WIPF3: variants seen among roughly 807,000 people sequenced by gnomAD.
The protein encoded by WIPF3 is WAS/WASL-interacting protein family member 3.
In WIPF3, 33 loss-of-function variants were observed where a neutral mutation model predicts 38.9. The observed-to-expected ratio is 0.85, with a 90% confidence interval of 0.64 to 1.14. The LOEUF (loss-of-function observed/expected upper bound fraction) is 1.14. Ranked by LOEUF, WIPF3 falls within the 50% of genes most tolerant of loss-of-function variation. WIPF3 has a pLI of 0.00. For synonymous variants in WIPF3, 324 were observed against 269.3 expected, an observed-to-expected ratio of 1.20 and a Z score of -1.99; for missense variants, 711 against 652.5, an observed-to-expected ratio of 1.09 and a Z score of -0.98.
At position 29,887,874 on chromosome 7, in the gene WIPF3, C is replaced by T. The variant is rs961571261; in HGVS notation, c.1100-194C>T. Among the ~76,000 whole-genome samples, 126 of 152,164 alleles carry T rather than the reference C, an allele frequency of 8.3e-4. 1 individual carries two copies. The highest frequency in any genetic ancestry group is 6.2e-4 in the South Asian group (3 of 4,832). On this transcript the variant is annotated intron_variant, in intron 5 of 8. Coordinates refer to ENST00000242140, the MANE Select transcript of WIPF3 (RefSeq NM_001080529.3). Reference sequence around the variant, plus strand: ...CATCTTACAGATGAGGAAACTAAAACACAAAGAGGCTATGCTACTTATCCC... The same window carrying T: ...CATCTTACAGATGAGGAAACTAAAATACAAAGAGGCTATGCTACTTATCCC...
intron 2 of WIPF3, among the ~76,000 whole-genome samples, chr7:29,863,263 C>A (rs980859195): frequency 1.3e-5 from 2 of 152,190 alleles, no homozygotes; most frequent in African/African-American, 4.8e-5. Context: ...ATGGCAGCCA[C>A]TGCTCTTCCT....
chr7:29,864,949 A>G (rs1785360318), intron 2 of WIPF3, among the ~76,000 whole-genome samples: 5 of 152,204 alleles, frequency 3.3e-5, no homozygotes. Context: ...GCTTTAAAAC[A>G]GGAAAAGGTG....
intron 1 of WIPF3, among the ~76,000 whole-genome samples, chr7:29,824,562 A>G (rs1411380273): frequency 3.3e-5 from 5 of 152,088 alleles, no homozygotes. Context: ...AAAAAAAAAA[A>G]AAGAAAAAAA....
intron 2 of WIPF3, among the ~76,000 whole-genome samples, chr7:29,871,343 CAG>C (rs1237484674): frequency 1.3e-5 from 2 of 152,128 alleles, no homozygotes; most frequent in Non-Finnish European, 2.9e-5. Context: ...TTTTAGGAGA[CAG>C]GGGTAGGCTG....
rs565042953 is a variant in WIPF3 at position 29,841,681 on chromosome 7, G to A, written c.90+6867G>A. On this transcript the variant is annotated intron_variant, in intron 2 of 8. Transcript: ENST00000242140. ...ACAAAAATTAGCCAGGTATGGTGGC[G>A]AGCACCTGTAATCCCAGCTACTTAG... Among the ~76,000 whole-genome samples the A allele has an allele frequency of 1.2e-4, 19 of 152,174 alleles. No individual in the cohort carries two copies. In the South Asian group the frequency reaches 2.3e-3, roughly 18 times the overall value.
At chr7:29,901,637 T>C (rs2128080017) in intron 7 of WIPF3, among the ~76,000 whole-genome samples, 1 of 150,664 alleles carries the variant, frequency 6.6e-6, no homozygotes, top group South Asian at 2.1e-4. Context: ...TATTTTCATG[T>C]TTCTATTTTT....
At chr7:29,908,975 A>G (rs1192331807) in intron 8 of WIPF3, among the ~76,000 whole-genome samples, 3 of 152,104 alleles carry the variant, frequency 2.0e-5, no homozygotes, top group Non-Finnish European at 4.4e-5. Context: ...GAATAAAATT[A>G]TAAATCAAGA....
At chr7:29,851,969 T>C (rs1442802276) in intron 2 of WIPF3, among the ~76,000 whole-genome samples, 2 of 152,104 alleles carry the variant, frequency 1.3e-5, no homozygotes, top group Non-Finnish European at 2.9e-5. Context: ...AAGCTTTTTA[T>C]TTTAATTTTA....
At chr7:29,845,135 T>C (rs1209050939) in intron 2 of WIPF3, among the ~76,000 whole-genome samples, 1 of 151,822 alleles carries the variant, frequency 6.6e-6, no homozygotes, top group Non-Finnish European at 1.5e-5. Flanking sequence ...TATTGCATAT[T>C]GTCCTCGGAA....
intron 2 of WIPF3, among the ~76,000 whole-genome samples, chr7:29,843,712 G>A (rs1784954709): frequency 6.6e-6 from 1 of 152,126 alleles, no homozygotes. Flanking sequence ...GCTTGCGAAG[G>A]TCACCATCGT....
At chr7:29,860,968 A>G (rs1352921367) in intron 2 of WIPF3, among the ~76,000 whole-genome samples, 1 of 151,914 alleles carries the variant, frequency 6.6e-6, no homozygotes, top group Non-Finnish European at 1.5e-5. Flanking sequence ...TTGGTTTTGG[A>G]TGTGTTAAGA....
At chr7:29,828,418 A>T (rs1199706753) in intron 1 of WIPF3, among the ~76,000 whole-genome samples, 1 of 151,904 alleles carries the variant, frequency 6.6e-6, no homozygotes, top group Non-Finnish European at 1.5e-5. Context: ...CCGTACCCTC[A>T]CCCTGGAATA....
At chr7:29,912,477 C>G (rs1037731374) in intron 8 of WIPF3, 1 of 177,644 alleles carries the variant, frequency 5.6e-6, no homozygotes, top group African/African-American at 2.3e-5. Context: ...ATTTGTACAC[C>G]CATGTTCATA....
chr7:29,829,208 C>CT (rs57757714), intron 1 of WIPF3, among the ~76,000 whole-genome samples: 13 of 74,508 alleles, frequency 1.7e-4, no homozygotes, highest in East Asian at 3.8e-4. Flanking sequence ...CTGACTCCTG[C>CT]TTTTTTTTTT....
At chr7:29,875,604 TA>T (rs1393773677) in intron 2 of WIPF3, among the ~76,000 whole-genome samples, 1 of 152,128 alleles carries the variant, frequency 6.6e-6, no homozygotes, top group African/African-American at 2.4e-5. Flanking sequence ...GTGCACAAGA[TA>T]GGCACTTGGG....
intron 1 of WIPF3, among the ~76,000 whole-genome samples, chr7:29,830,359 A>G (rs1272508798): frequency 6.6e-6 from 1 of 152,128 alleles, no homozygotes; most frequent in Non-Finnish European, 1.5e-5. Flanking sequence ...TCTTTGCAAA[A>G]TGGAAGCAGG....
At chr7:29,869,909 C>T (rs1326870079) in intron 2 of WIPF3, among the ~76,000 whole-genome samples, 5 of 152,140 alleles carry the variant, frequency 3.3e-5, no homozygotes, top group East Asian at 1.9e-4. Flanking sequence ...CATGGTACCC[C>T]GTGGAAATCT....
intron 6 of WIPF3, among the ~76,000 whole-genome samples, chr7:29,888,483 G>GTGTGC (rs745915065): frequency 1.5e-5 from 2 of 133,474 alleles, no homozygotes; most frequent in African/African-American, 5.5e-5. Context: ...TAAACTGTGT[G>GTGTGC]AGTGTGTGTG....
intron 1 of WIPF3, among the ~76,000 whole-genome samples, chr7:29,826,040 T>G (rs1353702631): frequency 6.6e-6 from 1 of 152,186 alleles, no homozygotes; most frequent in African/African-American, 2.4e-5. Context: ...CAGTAGCATT[T>G]GCATGGACCC....
Sources: allele counts gnomAD v4.1 joint callset (sites outside exome capture counted in the v4.1 genomes callset), GRCh38; gene constraint gnomAD v4.1.1; transcripts MANE v1.5; gene names NCBI Gene and HGNC (gene_info 2026-07-23, HGNC 2026-07-21).